ATF6: variants seen among roughly 807,000 people sequenced by gnomAD.
ATF6 encodes cyclic AMP-dependent transcription factor ATF-6 alpha.
A neutral mutation model predicts 83.6 loss-of-function variants in ATF6; 53 were observed. That is an observed-to-expected ratio of 0.63 (90% confidence interval 0.51 to 0.80). ATF6 has a LOEUF of 0.80. Ranked by LOEUF, ATF6 falls within the 30% of genes least tolerant of loss-of-function variation. The pLI is 0.00. For synonymous variants in ATF6, 288 were observed against 285.8 expected, an observed-to-expected ratio of 1.01 and a Z score of -0.08; for missense variants, 744 against 797.9, an observed-to-expected ratio of 0.93 and a Z score of 0.81.
chr1:161,788,846 ATC>A (rs1362127945), intron 4 of ATF6, among the ~76,000 whole-genome samples: 6 of 151,980 alleles, frequency 3.9e-5, no homozygotes, highest in African/African-American at 1.4e-4. Context: ...AATATTGTAT[ATC>A]TCTCTGTTTA....
intron 15 of ATF6, among the ~76,000 whole-genome samples, chr1:161,935,858 C>T (rs145307805): frequency 2.3e-4 from 35 of 152,284 alleles, no homozygotes; most frequent in African/African-American, 7.2e-4. Flanking sequence ...TCTAAAGAAA[C>T]GGAATTGATT....
chr1:161,890,768 C>T (rs1233695495), intron 14 of ATF6: 1 of 152,804 alleles, frequency 6.5e-6, no homozygotes, highest in Non-Finnish European at 1.5e-5. Context: ...GGGGGCGTGA[C>T]TTCCTGCTGC....
At chr1:161,954,309 T>G (rs1177041007) in intron 15 of ATF6, among the ~76,000 whole-genome samples, 1 of 152,110 alleles carries the variant, frequency 6.6e-6, no homozygotes, top group Non-Finnish European at 1.5e-5. Context: ...CATGAGTGAG[T>G]GGATATTTAT....
intron 15 of ATF6, among the ~76,000 whole-genome samples, chr1:161,946,892 G>A (rs1029075689): frequency 3.3e-5 from 5 of 152,176 alleles, no homozygotes; most frequent in African/African-American, 1.2e-4. Flanking sequence ...TCCTAAGCAA[G>A]TAAGATATGA....
intron 7 of ATF6, among the ~76,000 whole-genome samples, chr1:161,817,244 A>G (rs1171858582): frequency 6.6e-6 from 1 of 152,180 alleles, no homozygotes; most frequent in Non-Finnish European, 1.5e-5. Flanking sequence ...TCTAAATTCC[A>G]CAGATTAATT....
intron 4 of ATF6, among the ~76,000 whole-genome samples, chr1:161,789,277 T>A (rs867752290): frequency 1.2e-4 from 17 of 146,906 alleles, no homozygotes; most frequent in African/African-American, 4.3e-4. Flanking sequence ...TTTTTTTTTT[T>A]TACCCATTAA....
chr1:161,823,261 TA>T lies in ATF6; in HGVS notation c.1187+2101del, dbSNP rs1003568904. Reference sequence around the variant, plus strand: ...AAATAACATGTTAATGAAGAATAATTATATCTCCCAAACCTCCAAAAATTTA... The same window carrying T: ...AAATAACATGTTAATGAAGAATAATTTATCTCCCAAACCTCCAAAAATTTA... On this transcript the variant is annotated intron_variant, in intron 9 of 15. Coordinates refer to ENST00000367942, the MANE Select transcript of ATF6 (RefSeq NM_007348.4). 3.9e-5 allele frequency among the ~76,000 whole-genome samples: 6 copies of T among 152,242 alleles called. No individual in the cohort carries two copies. The East Asian group carries it at 9.6e-4, about 24-fold the overall frequency.
In ATF6 at chr1:161,791,401, G is replaced by C. The variant is rs376821991; in HGVS notation, c.355-7G>C. 69 of 1,596,542 alleles carry C rather than the reference G, an allele frequency of 4.3e-5. No individual in the cohort carries two copies. In the Admixed American group the frequency reaches 4.5e-4, roughly 10 times the overall value. ...ACTCATTAATTTTTGTTTTTATTATGCTACAGGAGGAGTTGGATTTGTCTT... is the reference window on the plus strand; with the variant it reads ...ACTCATTAATTTTTGTTTTTATTATCCTACAGGAGGAGTTGGATTTGTCTT... On this transcript the variant is annotated splice_polypyrimidine_tract_variant and splice_region_variant and intron_variant, in intron 4 of 15. Coordinates refer to ENST00000367942, the MANE Select transcript of ATF6 (RefSeq NM_007348.4).
intron 15 of ATF6, among the ~76,000 whole-genome samples, chr1:161,913,416 G>A (rs1391159366): frequency 6.6e-6 from 1 of 152,210 alleles, no homozygotes; most frequent in Non-Finnish European, 1.5e-5. Flanking sequence ...TAGGGGAAAA[G>A]TGGTATTCAT....
chr1:161,963,442 C>G lies in ATF6; in HGVS notation c.*4788C>G, dbSNP rs559843396. 32 of 152,270 alleles carry G rather than the reference C, an allele frequency of 2.1e-4. 1 individual carries two copies. The highest frequency in any genetic ancestry group is 3.4e-3 in the Middle Eastern group (1 of 294). 9.4% of individuals were successfully genotyped at this position (152,270 alleles called of 1,614,324 possible). On this transcript the variant is annotated 3_prime_UTR_variant, in exon 16 of 16. Coordinates refer to ENST00000367942, the MANE Select transcript of ATF6 (RefSeq NM_007348.4). ...AACTTTAAGCATTAGGGATTTAGCACACTAAAATACTTTTAATTATATTAG... is the reference window on the plus strand; with the variant it reads ...AACTTTAAGCATTAGGGATTTAGCAGACTAAAATACTTTTAATTATATTAG...
chr1:161,815,561 G>A (rs961170528), intron 7 of ATF6, among the ~76,000 whole-genome samples: 3 of 151,522 alleles, frequency 2.0e-5, no homozygotes, highest in African/African-American at 7.3e-5. Context: ...ACAGAAACAA[G>A]GCTTTAGTCA....
intron 9 of ATF6, among the ~76,000 whole-genome samples, chr1:161,832,491 A>C (rs986176296): frequency 1.3e-5 from 2 of 152,206 alleles, no homozygotes; most frequent in African/African-American, 4.8e-5. Flanking sequence ...GGGGTCAGGT[A>C]GTTCCCTTTC....
Position 161,807,865 on chromosome 1 carries a change from C to CTTTTTTTTTTTTTTTTTTTTTTTT in ATF6, c.909+5602_909+5625dup, listed in dbSNP as rs761462420. On this transcript the variant is annotated intron_variant, in intron 7 of 15. Transcript: ENST00000367942. ...CTTTTTGTACTTTTTAGTTTGTCATCTTTTTTTTTTTTTTTTTTTTTTTTT... is the reference window on the plus strand; with the variant it reads ...CTTTTTGTACTTTTTAGTTTGTCATCTTTTTTTTTTTTTTTTTTTTTTTTTTTTTTTTTTTTTTTTTTTTTTTTT... Among the ~76,000 whole-genome samples, 3 of 32,344 alleles carry CTTTTTTTTTTTTTTTTTTTTTTTT rather than the reference C, an allele frequency of 9.3e-5. 1 individual carries two copies. The highest frequency in any genetic ancestry group is 3.4e-4 in the African/African-American group (3 of 8,764). 21.2% of individuals were successfully genotyped at this position (32,344 alleles called of 152,430 possible). A position where few individuals can be genotyped will look rare whatever the true frequency, so the allele number is the denominator to read the frequency against.
chr1:161,839,407 G>A (rs1433122328), intron 9 of ATF6, among the ~76,000 whole-genome samples: 1 of 152,032 alleles, frequency 6.6e-6, no homozygotes, highest in Admixed American at 6.5e-5. Flanking sequence ...CTGTTCCCCA[G>A]GCTGAAGTAC....
intron 15 of ATF6, among the ~76,000 whole-genome samples, chr1:161,928,119 A>G (rs1688355220): frequency 2.0e-5 from 3 of 152,166 alleles, no homozygotes; most frequent in Admixed American, 2.0e-4. Context: ...CATTTTCCCC[A>G]TTTTACAGCT....
chr1:161,901,954 A>G (rs1687795104), intron 14 of ATF6, among the ~76,000 whole-genome samples: 1 of 152,204 alleles, frequency 6.6e-6, no homozygotes, highest in Non-Finnish European at 1.5e-5. Flanking sequence ...AAATATGAAC[A>G]TATTTCATTA....
At chr1:161,810,040 A>G (rs566005138) in intron 7 of ATF6, among the ~76,000 whole-genome samples, 2 of 152,324 alleles carry the variant, frequency 1.3e-5, no homozygotes, top group East Asian at 3.9e-4. Context: ...AGGTTTTACC[A>G]AATGGTCCTC....
At position 161,957,146 on chromosome 1, in the gene ATF6, A is replaced by G. The variant is rs1688982746; in HGVS notation, c.1805-1300A>G. Among the ~76,000 whole-genome samples, 3 of 150,774 alleles carry G rather than the reference A, an allele frequency of 2.0e-5. No homozygotes were observed. The Admixed American group carries it at 2.0e-4, about 10-fold the overall frequency. ...TTGCATTTTCTTCCTCCAGATTTGT[A>G]ATGCTTGGCATGCTCAGTGTCAAAG... On this transcript the variant is annotated intron_variant, in intron 15 of 15. Coordinates refer to ENST00000367942, the MANE Select transcript of ATF6 (RefSeq NM_007348.4).
At chr1:161,779,090 C>T (rs531009010) in intron 2 of ATF6, among the ~76,000 whole-genome samples, 74 of 152,162 alleles carry the variant, frequency 4.9e-4, no homozygotes, top group African/African-American at 1.7e-3. Flanking sequence ...TACCATTAAT[C>T]GACAGAAGAG....
Sources: allele counts gnomAD v4.1 joint callset (sites outside exome capture counted in the v4.1 genomes callset), GRCh38; gene constraint gnomAD v4.1.1; transcripts MANE v1.5; gene names NCBI Gene and HGNC (gene_info 2026-07-23, HGNC 2026-07-21).